Variants in FOXN3 observed in about 807,000 individuals in gnomAD.
FOXN3 encodes the protein forkhead box N3.
In FOXN3, 7 loss-of-function variants were observed where a neutral mutation model predicts 38.4. The ratio of observed to expected loss-of-function variants is 0.18; its 90% confidence interval spans 0.10 to 0.34. FOXN3 has a LOEUF of 0.34. Among genes scored for constraint, FOXN3 ranks in the 10% least tolerant of loss-of-function variants. The pLI is 1.00. For synonymous variants in FOXN3, 230 were observed against 242.2 expected, an observed-to-expected ratio of 0.95 and a Z score of 0.47; for missense variants, 456 against 613.4, an observed-to-expected ratio of 0.74 and a Z score of 2.71.
At chr14:89,372,169 T>A (rs1443405446) in intron 2 of FOXN3, among the ~76,000 whole-genome samples, 2 of 151,998 alleles carry the variant, frequency 1.3e-5, no homozygotes, top group Non-Finnish European at 2.9e-5. Context: ...CCCCTGCAAT[T>A]TCCCCAAGTC....
chr14:89,514,464 C>T (rs1226775739), intron 1 of FOXN3, among the ~76,000 whole-genome samples: 1 of 152,182 alleles, frequency 6.6e-6, no homozygotes, highest in African/African-American at 2.4e-5. Flanking sequence ...CGATTAAGTG[C>T]AATGAAATTG....
At chr14:89,260,254 T>G (rs1189792040) in intron 4 of FOXN3, among the ~76,000 whole-genome samples, 1 of 152,272 alleles carries the variant, frequency 6.6e-6, no homozygotes, top group South Asian at 2.1e-4. Context: ...TGCTTTCAAA[T>G]GTGATCAACA....
chr14:89,499,296 G>C (rs541965024), intron 1 of FOXN3, among the ~76,000 whole-genome samples: 4 of 152,144 alleles, frequency 2.6e-5, no homozygotes, highest in Admixed American at 2.6e-4. Context: ...AATTTTGTCT[G>C]AAATAAGATG....
At chr14:89,360,857 C>CACT (rs1402764430) in intron 2 of FOXN3, among the ~76,000 whole-genome samples, 7 of 77,832 alleles carry the variant, frequency 9.0e-5, no homozygotes, top group South Asian at 5.8e-4. Context: ...CCACCTCCAC[C>CACT]ACCACCTCCA....
intron 4 of FOXN3, among the ~76,000 whole-genome samples, chr14:89,276,543 G>A (rs1238298259): frequency 2.6e-5 from 4 of 152,186 alleles, no homozygotes; most frequent in Non-Finnish European, 4.4e-5. Flanking sequence ...GGTGGGCCAA[G>A]CAGCCTTTTC....
intron 1 of FOXN3, among the ~76,000 whole-genome samples, chr14:89,438,729 T>C (rs914744029): frequency 1.3e-5 from 2 of 152,184 alleles, no homozygotes; most frequent in Non-Finnish European, 2.9e-5. Flanking sequence ...TTGAAATCTA[T>C]ACTCACTCTT....
chr14:89,430,216 C>T (rs1892126357), intron 1 of FOXN3, among the ~76,000 whole-genome samples: 2 of 152,158 alleles, frequency 1.3e-5, no homozygotes, highest in African/African-American at 4.8e-5. Context: ...AATAAAAGTA[C>T]AAAGCTTTTT....
Position 89,557,558 on chromosome 14 carries a change from G to A in FOXN3, c.-15+61470C>T, listed in dbSNP as rs189962872. ...ATATCCTGGACTACGGCTTGACCTC[G>A]CCTGGTTAGCTGTGGACAAGGCTTA... On this transcript the variant is annotated intron_variant, in intron 1 of 6. Transcript: ENST00000345097. Among the ~76,000 whole-genome samples the A allele has an allele frequency of 2.6e-3, 396 of 152,224 alleles. 3 individuals carry two copies. Among genetic ancestry groups the A allele is most frequent in the African/African-American group, 9.0e-3 (375 of 41,530 alleles).
At chr14:89,497,803 G>A (rs926057901) in intron 1 of FOXN3, among the ~76,000 whole-genome samples, 1 of 152,086 alleles carries the variant, frequency 6.6e-6, no homozygotes, top group African/African-American at 2.4e-5. Context: ...TAATTTTTGG[G>A]GGGAACTGCC....
intron 1 of FOXN3, among the ~76,000 whole-genome samples, chr14:89,436,669 A>T (rs1473844839): frequency 6.6e-6 from 1 of 152,194 alleles, no homozygotes; most frequent in South Asian, 2.1e-4. Context: ...CAATCAAAAC[A>T]TCCAACAGAT....
chr14:89,512,189 G>GT (rs1310837624), intron 1 of FOXN3, among the ~76,000 whole-genome samples: 2 of 152,218 alleles, frequency 1.3e-5, no homozygotes, highest in Non-Finnish European at 2.9e-5. Flanking sequence ...GTGAGGGGCA[G>GT]TATGACCAGC....
chr14:89,391,186 G>GT (rs1321515893), intron 2 of FOXN3, among the ~76,000 whole-genome samples: 1 of 152,206 alleles, frequency 6.6e-6, no homozygotes, highest in Non-Finnish European at 1.5e-5. Flanking sequence ...ACTGACCTTG[G>GT]TTTTCAAGGG....
chr14:89,157,879 T>C lies in FOXN3; in HGVS notation c.*4535A>G, dbSNP rs1158644430. The C allele has an allele frequency of 6.6e-6, 1 of 152,574 alleles. No homozygotes were observed. Among genetic ancestry groups the C allele is most frequent in the African/African-American group, 2.4e-5 (1 of 41,426 alleles). 9.5% of individuals were successfully genotyped at this position (152,574 alleles called of 1,614,324 possible). A position where few individuals can be genotyped will look rare whatever the true frequency, so the allele number is the denominator to read the frequency against. Reference sequence around the variant, plus strand: ...AACTGTCAACACTGGGAAGTCACAATCAAGAGGAAACACAGAGTTCCAATG... The same window carrying C: ...AACTGTCAACACTGGGAAGTCACAACCAAGAGGAAACACAGAGTTCCAATG... On this transcript the variant is annotated 3_prime_UTR_variant, in exon 6 of 6. Coordinates refer to ENST00000557258, the MANE Select transcript of FOXN3 (RefSeq NM_005197.4).
intron 2 of FOXN3, among the ~76,000 whole-genome samples, chr14:89,405,293 G>A (rs868404152): frequency 6.6e-6 from 1 of 152,000 alleles, no homozygotes; most frequent in Admixed American, 6.5e-5. Flanking sequence ...CCCGCCACCA[G>A]ACCCGGCTAC....
At chr14:89,248,145 C>A (rs532288029) in intron 4 of FOXN3, among the ~76,000 whole-genome samples, 4 of 152,322 alleles carry the variant, frequency 2.6e-5, no homozygotes, top group Admixed American at 2.6e-4. Flanking sequence ...GACCTGAGGT[C>A]ACATTACATA....
At chr14:89,291,160 A>C (rs1358542116) in intron 3 of FOXN3, 1 of 492,110 alleles carries the variant, frequency 2.0e-6, no homozygotes, top group Non-Finnish European at 4.1e-6. Context: ...TAAGTACCCA[A>C]GTTGGGGGGC....
intron 3 of FOXN3, among the ~76,000 whole-genome samples, chr14:89,315,534 T>A (rs1887694793): frequency 6.6e-6 from 1 of 152,014 alleles, no homozygotes; most frequent in African/African-American, 2.4e-5. Context: ...CGAACTCTCC[T>A]CCATGGCTTT....
chr14:89,410,290 G>A (rs887997), intron 2 of FOXN3, among the ~76,000 whole-genome samples: 139,088 of 152,176 alleles, frequency 0.91, 64,408 homozygotes, highest in East Asian at 1. Context: ...GAAAGAAATT[G>A]AAGGCCCCAG....
intron 4 of FOXN3, among the ~76,000 whole-genome samples, chr14:89,189,151 G>A (rs1294771156): frequency 1.3e-5 from 2 of 152,126 alleles, no homozygotes; most frequent in African/African-American, 4.8e-5. Flanking sequence ...AAATAAGAAA[G>A]GTTGGAGTCA....
Sources: allele counts gnomAD v4.1 joint callset (sites outside exome capture counted in the v4.1 genomes callset), GRCh38; gene constraint gnomAD v4.1.1; transcripts MANE v1.5; gene names NCBI Gene and HGNC (gene_info 2026-07-23, HGNC 2026-07-21).